The following PCDH11X variants were observed in gnomAD, a reference collection of about 807,000 sequenced individuals.
PCDH11X encodes the protein protocadherin 11 X-linked.
Under a neutral mutation model 53.3 loss-of-function variants are expected in PCDH11X, and 18 were observed. The observed-to-expected ratio is 0.34, with a 90% CI of 0.23 to 0.50. The LOEUF is 0.50. Among genes scored for constraint, PCDH11X ranks in the 20% least tolerant of loss-of-function variants. The pLI is 0.98. For synonymous variants in PCDH11X, 279 were observed against 393.3 expected, an observed-to-expected ratio of 0.71 and a Z score of 3.44; for missense variants, 570 against 1,032.4, an observed-to-expected ratio of 0.55 and a Z score of 6.14.
intron 6 of PCDH11X, among the ~76,000 whole-genome samples, chrX:91,900,258 T>C (rs938462975): frequency 1.5e-4 from 17 of 110,820 alleles, no homozygotes; most frequent in Non-Finnish European, 3.0e-4. Context: ...CAGGTAGCAA[T>C]CTTAACTTCC....
In PCDH11X at chrX:92,362,995, A is replaced by T. The variant is rs191039029; in HGVS notation, c.3145-24740A>T. 8.4e-3 allele frequency among the ~76,000 whole-genome samples: 916 copies of T among 109,067 alleles called. 23 individuals carry two copies. In the East Asian group the frequency reaches 0.097, roughly 12 times the overall value. The allele number at this position is 109,067 out of a possible 115,157, so 94.7% of individuals were successfully genotyped here. ...CCTTTAATTTTAGGTTCTCTAATCT[A>T]TTTTTTTTGGTCTATTTATCTGTCT... On this transcript the variant is annotated intron_variant, in intron 8 of 10. Transcript: ENST00000682573.
chrX:92,118,285 T>A (rs1300019536), intron 6 of PCDH11X, among the ~76,000 whole-genome samples: 1 of 108,809 alleles, frequency 9.2e-6, no homozygotes. Flanking sequence ...TAAAAATATT[T>A]CATTTAAAGG....
chrX:92,006,236 T>C (rs777440227), intron 6 of PCDH11X, among the ~76,000 whole-genome samples: 14 of 110,964 alleles, frequency 1.3e-4, no homozygotes, highest in African/African-American at 4.6e-4. Flanking sequence ...GGCTAATAAC[T>C]CTTAAATTTG....
chrX:92,268,869 C>G (rs73630165), intron 8 of PCDH11X, among the ~76,000 whole-genome samples: 1 of 111,625 alleles, frequency 9.0e-6, no homozygotes, highest in Non-Finnish European at 1.9e-5. Flanking sequence ...TGGCCAACCT[C>G]GTCTCTACTA....
intron 6 of PCDH11X, among the ~76,000 whole-genome samples, chrX:92,117,693 AG>A (rs1465817584): frequency 8.9e-6 from 1 of 111,869 alleles, no homozygotes; most frequent in Non-Finnish European, 1.9e-5. Context: ...AAAATGCTTC[AG>A]AAGCACATTT....
At chrX:92,349,836 A>G (rs1249362703) in intron 8 of PCDH11X, among the ~76,000 whole-genome samples, 1 of 109,426 alleles carries the variant, frequency 9.1e-6, no homozygotes, top group African/African-American at 3.4e-5. Context: ...AATGTAGGCT[A>G]ATGTAAGTGT....
chrX:91,893,609 A>G (rs978425941), intron 6 of PCDH11X, among the ~76,000 whole-genome samples: 4 of 110,736 alleles, frequency 3.6e-5, no homozygotes, highest in African/African-American at 1.3e-4. Context: ...GTTTGTGTAG[A>G]CATAAATCCT....
chrX:92,606,699 G>A (rs1473972284), intron 10 of PCDH11X, among the ~76,000 whole-genome samples: 3 of 111,353 alleles, frequency 2.7e-5, no homozygotes, highest in Non-Finnish European at 5.7e-5. Flanking sequence ...ACTTTTGTAC[G>A]TCAAAGGATA....
intron 8 of PCDH11X, among the ~76,000 whole-genome samples, chrX:92,310,193 G>T (rs35417364): frequency 9.0e-6 from 1 of 111,536 alleles, no homozygotes; most frequent in Non-Finnish European, 1.9e-5. Context: ...TCCGGTATTC[G>T]CTCATGTTTT....
At chrX:92,346,504 A>G (rs2069899571) in intron 8 of PCDH11X, among the ~76,000 whole-genome samples, 1 of 111,416 alleles carries the variant, frequency 9.0e-6, no homozygotes, top group African/African-American at 3.3e-5. Context: ...CACAAGTCCA[A>G]AACCTTGAAC....
intron 10 of PCDH11X, among the ~76,000 whole-genome samples, chrX:92,544,879 A>G (rs1397829602): frequency 1.8e-5 from 2 of 111,522 alleles, no homozygotes; most frequent in African/African-American, 3.3e-5. Flanking sequence ...TTTAGATGTC[A>G]TGTTCTTACT....
At chrX:91,808,292 C>G (rs745567456) in intron 1 of PCDH11X, among the ~76,000 whole-genome samples, 1 of 107,103 alleles carries the variant, frequency 9.3e-6, no homozygotes, top group African/African-American at 3.4e-5. Flanking sequence ...GTCAGGAGTT[C>G]GAGACCAGCC....
At chrX:91,819,575 G>A (rs1334533761) in intron 4 of PCDH11X, among the ~76,000 whole-genome samples, 1 of 109,322 alleles carries the variant, frequency 9.1e-6, no homozygotes, top group Non-Finnish European at 1.9e-5. Context: ...ATATATTCTT[G>A]GAGGAAAAGG....
intron 7 of PCDH11X, among the ~76,000 whole-genome samples, chrX:92,212,878 T>G (rs754622866): frequency 8.9e-6 from 1 of 112,181 alleles, no homozygotes; most frequent in African/African-American, 3.2e-5. Context: ...AACACACTTA[T>G]CTTTTGGCTT....
At chrX:92,051,470 A>C (rs1292803668) in intron 6 of PCDH11X, among the ~76,000 whole-genome samples, 2 of 111,880 alleles carry the variant, frequency 1.8e-5, no homozygotes, top group African/African-American at 6.5e-5. Context: ...CCTGTATATT[A>C]ATTAGGTGTT....
chrX:92,133,349 G>C (rs1446886638), intron 6 of PCDH11X, among the ~76,000 whole-genome samples: 2 of 111,417 alleles, frequency 1.8e-5, no homozygotes, highest in Non-Finnish European at 3.8e-5. Context: ...AAGCAACTGT[G>C]ACTTTTTGCT....
intron 10 of PCDH11X, among the ~76,000 whole-genome samples, chrX:92,541,586 C>T (rs868734920): frequency 1.8e-5 from 2 of 110,685 alleles, no homozygotes; most frequent in Admixed American, 1.9e-4. Flanking sequence ...GGTGTTCCAG[C>T]GCAGGGGACA....
At chrX:92,086,295 TATATC>T (rs1215514253) in intron 6 of PCDH11X, among the ~76,000 whole-genome samples, 1 of 111,392 alleles carries the variant, frequency 9.0e-6, no homozygotes, top group Non-Finnish European at 1.9e-5. Flanking sequence ...ATAATAAAGA[TATATC>T]ATTTCAGGAA....
At chrX:92,305,480 T>A (rs1224188555) in intron 8 of PCDH11X, among the ~76,000 whole-genome samples, 1 of 109,768 alleles carries the variant, frequency 9.1e-6, no homozygotes, top group Non-Finnish European at 1.9e-5. Flanking sequence ...CTCAGTCGTA[T>A]CGAATTTGGA....
Sources: allele counts gnomAD v4.1 joint callset (sites outside exome capture counted in the v4.1 genomes callset), GRCh38; gene constraint gnomAD v4.1.1; transcripts MANE v1.5; gene names NCBI Gene and HGNC (gene_info 2026-07-23, HGNC 2026-07-21).